Variants in CD226 observed in about 807,000 individuals in gnomAD.
The protein encoded by CD226 is CD226 molecule, also known as CD226 antigen.
CD226 carries 24 observed loss-of-function variants against 34.9 expected under a neutral mutation model. The ratio of observed to expected loss-of-function variants is 0.69; its 90% CI spans 0.50 to 0.97. The LOEUF is 0.97. Among genes scored for constraint, CD226 ranks in the 50% least tolerant of loss-of-function variants. CD226 has a pLI of 0.00. For synonymous variants in CD226, 148 were observed against 147.4 expected (o/e 1.00, Z -0.03); for missense variants, 397 against 412.7 (o/e 0.96, Z 0.33).
chr18:69,873,296 G>A, intron 3 of CD226, 50 bp from the exon 4 acceptor site: 1 of 911,928 alleles, frequency 1.1e-6, no homozygotes, highest in South Asian at 1.5e-5. Flanking sequence ...GCCAAAGGCA[G>A]TAAAAAGTAA....
At chr18:69,904,856 G>A (rs1182957373) in intron 2 of CD226, among the ~76,000 whole-genome samples, 2 of 152,152 alleles carry the variant, frequency 1.3e-5, no homozygotes, top group African/African-American at 4.8e-5. Flanking sequence ...CTGCATGGCA[G>A]GTTTTTAACA....
At chr18:69,940,665 G>A (rs144970194) in intron 2 of CD226, among the ~76,000 whole-genome samples, 1 of 152,262 alleles carries the variant, frequency 6.6e-6, no homozygotes, top group East Asian at 1.9e-4. Context: ...TAGGGTATCT[G>A]GCAGAAGAAA....
rs543089569 is a variant in CD226 at position 69,881,087 on chromosome 18, T to A, written c.728-7841A>T. On this transcript the variant is annotated intron_variant, in intron 3 of 5. Transcript: ENST00000582621. ...GTGGTGGATATGTTAATTGGCTTGATTTAATCACTCTACATTGTATACATA... is the reference window on the plus strand; with the variant it reads ...GTGGTGGATATGTTAATTGGCTTGAATTAATCACTCTACATTGTATACATA... Among the ~76,000 whole-genome samples, 9 of 152,322 alleles carry A rather than the reference T, an allele frequency of 5.9e-5. No homozygotes were observed. In the South Asian group the frequency reaches 1.9e-3, roughly 32 times the overall value.
At chr18:69,940,611 C>T (rs528685551) in intron 2 of CD226, among the ~76,000 whole-genome samples, 23 of 147,728 alleles carry the variant, frequency 1.6e-4, no homozygotes, top group African/African-American at 5.5e-4. Flanking sequence ...CATTTTGCCC[C>T]TGCCCCAGAG....
chr18:69,913,972 A>G (rs750558201), intron 2 of CD226, among the ~76,000 whole-genome samples: 3 of 152,172 alleles, frequency 2.0e-5, no homozygotes, highest in East Asian at 1.9e-4. Context: ...GATCTTAATG[A>G]GGTTTCTGGA....
chr18:69,881,475 GTTT>G (rs1177586091), intron 3 of CD226, among the ~76,000 whole-genome samples: 2 of 151,994 alleles, frequency 1.3e-5, no homozygotes, highest in Non-Finnish European at 2.9e-5. Flanking sequence ...GTTTTAAACA[GTTT>G]TTTTTGGCAA....
chr18:69,901,550 G>C (rs907280440), intron 2 of CD226, among the ~76,000 whole-genome samples: 1 of 152,092 alleles, frequency 6.6e-6, no homozygotes, highest in African/African-American at 2.4e-5. Context: ...TTCTATTTTT[G>C]TATATGTTTG....
rs547519190 is a variant in CD226 at position 69,857,421 on chromosome 18, A to G, written c.*6893T>C. 6.6e-6 allele frequency: 1 copy of G among 152,324 alleles called. No homozygotes were observed. Among genetic ancestry groups the G allele is most frequent in the African/African-American group, 2.4e-5 (1 of 41,582 alleles). 9.4% of individuals were successfully genotyped at this position (152,324 alleles called of 1,614,324 possible). On this transcript the variant is annotated 3_prime_UTR_variant, in exon 6 of 6. Coordinates refer to ENST00000582621, the MANE Select transcript of CD226 (RefSeq NM_001303618.2). ...ACTCAGAAAACTTAGTATCACTGAG[A>G]GTATATTGGAGAGCTCAAAGTCTTA...
At chr18:69,955,586 G>C (rs1278137294) in intron 1 of CD226, among the ~76,000 whole-genome samples, 1 of 152,134 alleles carries the variant, frequency 6.6e-6, no homozygotes, top group Non-Finnish European at 1.5e-5. Context: ...TTCCACAGGA[G>C]GCCGGGTGCG....
chr18:69,937,168 A>G (rs1251542213), intron 2 of CD226, among the ~76,000 whole-genome samples: 1 of 152,272 alleles, frequency 6.6e-6, no homozygotes, highest in Non-Finnish European at 1.5e-5. Context: ...ATGTCAACCA[A>G]GCCATGAATT....
intron 2 of CD226, among the ~76,000 whole-genome samples, chr18:69,901,853 T>G (rs1484218290): frequency 6.7e-6 from 1 of 149,242 alleles, no homozygotes; most frequent in African/African-American, 2.5e-5. Flanking sequence ...CACTCCAGCC[T>G]GGGCGACAGA....
chr18:69,901,800 A>AC (rs1485010799), intron 2 of CD226, among the ~76,000 whole-genome samples: 1 of 151,568 alleles, frequency 6.6e-6, no homozygotes, highest in Non-Finnish European at 1.5e-5. Flanking sequence ...AATGGCGTGA[A>AC]CCCGGGAGGC....
rs1459621661 is a variant in CD226 at position 69,855,344 on chromosome 18, T to C, written c.*8970A>G. On this transcript the variant is annotated 3_prime_UTR_variant, in exon 6 of 6. Coordinates refer to ENST00000582621, the MANE Select transcript of CD226 (RefSeq NM_001303618.2). ...AGGAATAAAAAAGAAATGGTAGCAA[T>C]AAAAAACATAGTAATAGAAAGGAAG... is the stretch of plus-strand genomic sequence containing the variant. 6.6e-6 allele frequency: 1 copy of C among 151,918 alleles called. No homozygotes were observed. The highest frequency in any genetic ancestry group is 2.4e-5 in the African/African-American group (1 of 41,362). The allele number at this position is 151,918 out of a possible 1,614,324, so 9.4% of individuals were successfully genotyped here. A position where few individuals can be genotyped will look rare whatever the true frequency, so the allele number is the denominator to read the frequency against.
upstream of CD226, among the ~76,000 whole-genome samples, chr18:69,960,023 G>A (rs912400643): frequency 3.3e-5 from 5 of 152,110 alleles, no homozygotes; most frequent in African/African-American, 1.2e-4. Context: ...AAGGCAGGCG[G>A]ATCACATGAA....
chr18:69,881,720 T>C (rs1049388394), intron 3 of CD226, among the ~76,000 whole-genome samples: 1 of 152,342 alleles, frequency 6.6e-6, no homozygotes, highest in African/African-American at 2.4e-5. Context: ...CAGCAGAGCA[T>C]GCTTGCTCCT....
chr18:69,960,358 G>A (rs1368066516), upstream of CD226, among the ~76,000 whole-genome samples: 1 of 152,110 alleles, frequency 6.6e-6, no homozygotes, highest in East Asian at 1.9e-4. Flanking sequence ...TAGAAAGCAG[G>A]AGCTACTGCA....
At chr18:69,957,416 G>A (rs538034386), upstream of CD226, among the ~76,000 whole-genome samples, 198 of 151,842 alleles carry the variant, frequency 1.3e-3, no homozygotes, top group Middle Eastern at 3.4e-3. Flanking sequence ...TCCTGAGAAC[G>A]AACCCTGCAT....
rs771079966 is a variant in CD226, at chr18:69,857,641, G to A, written c.*6673C>T. ...GTAAGTTATCATAGCTTCTTCTCAA[G>A]TTTTATTTTTATGTCTTACAAATAT... On this transcript the variant is annotated 3_prime_UTR_variant, in exon 6 of 6. Transcript: ENST00000582621. The A allele has an allele frequency of 7.2e-5, 11 of 152,166 alleles. No individual in the cohort carries two copies. The highest frequency in any genetic ancestry group is 1.6e-4 in the Non-Finnish European group (11 of 68,010). The allele number at this position is 152,166 out of a possible 1,614,324, so 9.4% of individuals were successfully genotyped here.
intron 2 of CD226, among the ~76,000 whole-genome samples, chr18:69,915,589 GA>G (rs1466702758): frequency 6.6e-6 from 1 of 152,138 alleles, no homozygotes; most frequent in East Asian, 1.9e-4. Context: ...GAAACTAATT[GA>G]AATAGTTGCT....
Sources: gnomAD v4.1 joint callset for allele counts (sites outside exome capture counted in the v4.1 genomes callset) on GRCh38, gnomAD v4.1.1 for gene constraint, MANE v1.5 for transcripts, NCBI Gene and HGNC (gene_info 2026-07-23, HGNC 2026-07-21) for gene names.